PACSIN2: variants seen among roughly 807,000 people sequenced by gnomAD.
PACSIN2 encodes the protein protein kinase C and casein kinase substrate in neurons 2, also known as protein kinase C and casein kinase substrate in neurons protein 2.
A neutral mutation model predicts 63.8 loss-of-function variants in PACSIN2; 25 were observed. That is an observed-to-expected ratio of 0.39 (90% CI 0.29 to 0.55). The LOEUF is 0.55. PACSIN2 is among the 20% of genes least tolerant of loss of function. The probability of loss-of-function intolerance (pLI) is 0.62; values close to 1 mark genes in which losing one functional copy is unlikely to be tolerated. For missense variants in PACSIN2, 518 were observed against 646.9 expected (o/e 0.80, Z 2.16); for synonymous variants, 255 against 256.2 (o/e 1.00, Z 0.05).
intron 1 of PACSIN2, among the ~76,000 whole-genome samples, chr22:42,929,557 ATC>A (rs1333022294): frequency 6.6e-6 from 1 of 151,842 alleles, no homozygotes; most frequent in Non-Finnish European, 1.5e-5. Context: ...AAGAATGAGT[ATC>A]TCAGAACTCC....
At chr22:42,998,123 C>T (rs1278254570) in intron 1 of PACSIN2, among the ~76,000 whole-genome samples, 1 of 152,122 alleles carries the variant, frequency 6.6e-6, no homozygotes, top group Non-Finnish European at 1.5e-5. Flanking sequence ...CTAGAGCCAA[C>T]CCCAGGTTAA....
chr22:42,966,694 C>T (rs1047815753), intron 1 of PACSIN2, among the ~76,000 whole-genome samples: 11 of 152,154 alleles, frequency 7.2e-5, no homozygotes, highest in African/African-American at 2.4e-4. Context: ...TCCCCAAATG[C>T]CACAGAAGAA....
At chr22:42,930,544 T>C (rs975235772) in intron 1 of PACSIN2, among the ~76,000 whole-genome samples, 3 of 152,212 alleles carry the variant, frequency 2.0e-5, no homozygotes, top group African/African-American at 7.2e-5. Flanking sequence ...TAAACTAATT[T>C]TGAAAATGAT....
intron 1 of PACSIN2, among the ~76,000 whole-genome samples, chr22:42,915,451 T>C (rs892889539): frequency 2.0e-5 from 3 of 152,158 alleles, no homozygotes; most frequent in African/African-American, 7.2e-5. Flanking sequence ...ATCATAGCAC[T>C]GCACTCAGCA....
intron 2 of PACSIN2, among the ~76,000 whole-genome samples, chr22:42,908,945 T>C (rs1931267249): frequency 6.6e-6 from 1 of 152,180 alleles, no homozygotes; most frequent in Non-Finnish European, 1.5e-5. Context: ...TTGTGGGAAC[T>C]GGATCCCCTC....
intron 2 of PACSIN2, among the ~76,000 whole-genome samples, chr22:42,903,876 C>T (rs1247985951): frequency 1.3e-5 from 2 of 152,122 alleles, no homozygotes; most frequent in African/African-American, 2.4e-5. Context: ...CTGGCCGTAT[C>T]CTCTGTTCCT....
chr22:42,945,204 C>A (rs1933361211), intron 1 of PACSIN2, among the ~76,000 whole-genome samples: 1 of 124,316 alleles, frequency 8.0e-6, no homozygotes, highest in East Asian at 2.3e-4. Flanking sequence ...TACGCACCGG[C>A]AATTACCAAG....
intron 6 of PACSIN2, 45 bp downstream of exon 6, chr22:42,884,341 C>T (rs774845858): frequency 4.5e-6 from 7 of 1,559,562 alleles, no homozygotes; most frequent in Admixed American, 1.8e-5. Flanking sequence ...AAGCACTTTC[C>T]GTTGACTTCA....
At chr22:43,004,219 T>C (rs1923945584) in intron 1 of PACSIN2, among the ~76,000 whole-genome samples, 1 of 152,150 alleles carries the variant, frequency 6.6e-6, no homozygotes, top group Non-Finnish European at 1.5e-5. Context: ...TCTCTGAGCT[T>C]AGGTTTACTG....
chr22:42,909,304 T>G, intron 2 of PACSIN2: 1 of 337,722 alleles, frequency 3.0e-6, no homozygotes, highest in South Asian at 2.2e-5. Context: ...GAATGACATA[T>G]TCCAGTTAGT....
chr22:42,978,242 C>CT (rs1358893300), intron 1 of PACSIN2, among the ~76,000 whole-genome samples: 2 of 152,160 alleles, frequency 1.3e-5, no homozygotes, highest in South Asian at 2.1e-4. Flanking sequence ...AGGTCCCTCT[C>CT]TTTTTTTAAA....
At position 42,888,662 on chromosome 22, in the gene PACSIN2, C is replaced by T. The variant is rs1240977694; in HGVS notation, c.590G>A (p.Cys197Tyr). ...GTTTACCTTAAGAACATCTTGCTTG[C>T]ACTTTTCTATTTTGTCTTGCAATTT... The part of the protein sequence containing the change: ...LKKLQDKIEK[C>Y]KQDVLKTKEK... The change falls in exon 5 of 11, where the codon TGC (cysteine) becomes TAC (tyrosine). Residue 197 changes from cysteine to tyrosine, a missense_variant. Transcript: ENST00000263246. The T allele has an allele frequency of 2.5e-6, 4 of 1,614,092 alleles. No homozygotes were observed. The highest frequency in any genetic ancestry group is 2.7e-5 in the African/African-American group (2 of 74,942).
chr22:42,965,556 A>G (rs1367883227), intron 1 of PACSIN2, among the ~76,000 whole-genome samples: 2 of 152,252 alleles, frequency 1.3e-5, no homozygotes, highest in Non-Finnish European at 2.9e-5. Context: ...GGTGACTGAC[A>G]TTAACCAAGA....
chr22:42,876,374 G>A (rs777194255), intron 9 of PACSIN2, 41 bp from the exon 10 acceptor site: 46 of 1,568,592 alleles, frequency 2.9e-5, no homozygotes, highest in Middle Eastern at 3.3e-4. Flanking sequence ...AGCACAGGGC[G>A]GCAGAGGGTG....
chr22:42,984,711 G>A (rs1922486143), intron 1 of PACSIN2, among the ~76,000 whole-genome samples: 1 of 152,176 alleles, frequency 6.6e-6, no homozygotes, highest in South Asian at 2.1e-4. Flanking sequence ...CCTCACCTGT[G>A]CCAAAAGGCT....
intron 1 of PACSIN2, among the ~76,000 whole-genome samples, chr22:42,996,683 C>A (rs1369901278): frequency 2.6e-5 from 4 of 152,088 alleles, no homozygotes; most frequent in African/African-American, 4.8e-5. Context: ...CAGAGTGAGG[C>A]CCTGTCTCAA....
chr22:42,954,295 T>C (rs1026262656), intron 1 of PACSIN2, among the ~76,000 whole-genome samples: 1 of 152,178 alleles, frequency 6.6e-6, no homozygotes, highest in African/African-American at 2.4e-5. Flanking sequence ...AAGGTTCCCT[T>C]GGACAGAGAG....
intron 1 of PACSIN2, among the ~76,000 whole-genome samples, chr22:43,004,520 A>T (rs1451071248): frequency 6.6e-6 from 1 of 152,258 alleles, no homozygotes; most frequent in African/African-American, 2.4e-5. Context: ...CAGCTACAGA[A>T]CCCACTAATA....
intron 1 of PACSIN2, among the ~76,000 whole-genome samples, chr22:42,984,437 C>T (rs569095501): frequency 6.6e-6 from 1 of 152,274 alleles, no homozygotes; most frequent in East Asian, 1.9e-4. Context: ...CCTGAAGCTT[C>T]CCTGATGTTG....
Sources: allele counts gnomAD v4.1 joint callset (sites outside exome capture counted in the v4.1 genomes callset), GRCh38; gene constraint gnomAD v4.1.1; transcripts MANE v1.5; gene names NCBI Gene and HGNC (gene_info 2026-07-23, HGNC 2026-07-21).